UNC80: variants seen among roughly 807,000 people sequenced by gnomAD.
The protein encoded by UNC80 is protein unc-80 homolog.
In UNC80, 164 loss-of-function variants were observed where a neutral mutation model predicts 384.6. The observed-to-expected ratio is 0.43, with a 90% CI of 0.38 to 0.49. The LOEUF (loss-of-function observed/expected upper bound fraction) is 0.49, where lower values mean the gene tolerates loss of function less well. Among genes scored for constraint, UNC80 ranks in the 20% least tolerant of loss-of-function variants. The pLI is 0.00. For missense variants in UNC80, 3,330 were observed against 4,143.0 expected (o/e 0.80, Z 5.39); for synonymous variants, 1,486 against 1,527.8 (o/e 0.97, Z 0.64).
At chr2:209,854,971 A>G (rs2124849142) in intron 22 of UNC80, among the ~76,000 whole-genome samples, 1 of 152,372 alleles carries the variant, frequency 6.6e-6, no homozygotes, top group East Asian at 1.9e-4. Context: ...ACTATAAGTC[A>G]TTCTACTGTA....
At chr2:209,895,530 A>C (rs946570412) in intron 27 of UNC80, among the ~76,000 whole-genome samples, 2 of 152,200 alleles carry the variant, frequency 1.3e-5, no homozygotes, top group Non-Finnish European at 2.9e-5. Flanking sequence ...CTTTTTTTAC[A>C]AGTCTGAAGC....
chr2:209,959,809 T>C (rs2092534449), intron 51 of UNC80, 102 bp downstream of exon 51: 1 of 1,076,030 alleles, frequency 9.3e-7, no homozygotes, highest in Non-Finnish European at 1.3e-6. Context: ...GGAAAAACTC[T>C]TAATATAGAA....
chr2:209,866,521 C>T (rs2083812789), intron 22 of UNC80, among the ~76,000 whole-genome samples: 7 of 142,502 alleles, frequency 4.9e-5, no homozygotes, highest in Admixed American at 3.6e-4. Flanking sequence ...CACACACACA[C>T]ACACACACAC....
intron 7 of UNC80, among the ~76,000 whole-genome samples, chr2:209,798,925 C>G (rs1253805286): frequency 3.3e-5 from 5 of 149,256 alleles, no homozygotes; most frequent in Non-Finnish European, 5.9e-5. Context: ...ACCTTGTGAT[C>G]CGCCCACCTC....
At chr2:209,903,199 T>TG (rs1559297628) in intron 28 of UNC80, among the ~76,000 whole-genome samples, 1 of 149,414 alleles carries the variant, frequency 6.7e-6, no homozygotes, top group South Asian at 2.1e-4. Context: ...AACAAAATTT[T>TG]GGGGGGATAT....
intron 22 of UNC80, among the ~76,000 whole-genome samples, chr2:209,868,353 CAGTT>C (rs775940540): frequency 4.6e-5 from 7 of 152,106 alleles, no homozygotes; most frequent in African/African-American, 7.2e-5. Context: ...TCTTTAAAAA[CAGTT>C]AGTTTCTATC....
At position 209,941,328 on chromosome 2, in the gene UNC80, A is replaced by G. The variant is rs1386592415; in HGVS notation, c.6754A>G (p.Ile2252Val). 6.4e-7 allele frequency: 1 copy of G among 1,551,006 alleles called. No homozygotes were observed. The highest frequency in any genetic ancestry group is 2.0e-5 in the Admixed American group (1 of 50,978). ...MPSEFPWGDE[I>V]MLFLNVFNGA... ...GAGCGAGTTTCCATGGGGAGACGAA[A>G]TCATGCTTTTCCTCAACGTTTTTAA... Residue 2252 changes from isoleucine to valine, a missense_variant, in exon 44 of 65, where the codon ATC becomes GTC. Physicochemically the swap from Ile to Val is conservative, Grantham distance 29. Transcript: ENST00000673920.
At chr2:209,791,906 C>T (rs377083569) in intron 6 of UNC80, among the ~76,000 whole-genome samples, 1 of 148,240 alleles carries the variant, frequency 6.7e-6, no homozygotes, top group Non-Finnish European at 1.5e-5. Context: ...CCTGCACTGT[C>T]CAATATGATA....
chr2:209,796,311 C>T (rs2078152407), intron 7 of UNC80: 1 of 152,228 alleles, frequency 6.6e-6, no homozygotes, highest in African/African-American at 2.4e-5. Context: ...CCCATTGTAT[C>T]TAGGAAGTAA....
chr2:209,931,364 A>AACACACACACAC lies in UNC80; in HGVS notation c.5994+352_5994+363dup, dbSNP rs61386739. On this transcript the variant is annotated intron_variant, in intron 38 of 64. Transcript: ENST00000673920. ...TCCTCTTTTCCTATCTCTATGTTTA[A>AACACACACACAC]ACACACACACACACACACACACACA... Among the ~76,000 whole-genome samples the AACACACACACAC allele has an allele frequency of 4.1e-3, 510 of 125,550 alleles. 9 individuals are homozygous for AACACACACACAC. Among genetic ancestry groups the AACACACACACAC allele is most frequent in the Non-Finnish European group, 6.1e-3 (359 of 59,252 alleles). 82.4% of individuals were successfully genotyped at this position (125,550 alleles called of 152,430 possible).
At chr2:209,912,529 A>G in intron 29 of UNC80, 31 bp from the exon 30 acceptor site, 1 of 1,454,272 alleles carries the variant, frequency 6.9e-7, no homozygotes, top group Non-Finnish European at 9.3e-7. Context: ...AAAACACATC[A>G]CTCTTCATTA....
intron 16 of UNC80, among the ~76,000 whole-genome samples, chr2:209,833,276 C>CA (rs554565630): frequency 0.081 from 7,872 of 97,180 alleles, 643 homozygotes; most frequent in African/African-American, 0.23. Flanking sequence ...TTTCCTAAGG[C>CA]AAAAAAAAAA....
At chr2:209,994,830 T>TAAATATAGAACTAAATAGATAAA (rs2093456356) in intron 64 of UNC80, among the ~76,000 whole-genome samples, 1 of 152,212 alleles carries the variant, frequency 6.6e-6, no homozygotes, top group South Asian at 2.1e-4. Flanking sequence ...AGATAAAGCC[T>TAAATATAGAACTAAATAGATAAA]CTAAATATAG....
chr2:209,945,068 G>A lies in UNC80; in HGVS notation c.7068G>A (p.Gly2356=), dbSNP rs1320810103. 4 of 1,550,302 alleles carry A rather than the reference G, an allele frequency of 2.6e-6. No homozygotes were observed. Among genetic ancestry groups the A allele is most frequent in the African/African-American group, 1.4e-5 (1 of 72,828 alleles). The change falls in exon 46 of 65, where the codon GGG becomes GGA. Residue 2356 remains glycine (G), a synonymous_variant. Coordinates refer to ENST00000673920, the MANE Select transcript of UNC80 (RefSeq NM_001371986.1). The stretch of plus-strand genomic sequence containing the variant: ...TTTATCAGGATGCTGCCAATAATGG[G>A]CCCAGCAAAGGTGTGTCAGCTCAGT... The part of the protein sequence containing the change: ...LLEFPDAANN[G]PSKGVSAQCL...
intron 61 of UNC80, 36 bp from the exon 62 acceptor site, chr2:209,992,130 T>C: frequency 2.6e-6 from 4 of 1,532,088 alleles, no homozygotes; most frequent in African/African-American, 1.4e-5. Flanking sequence ...TCCTGTACTC[T>C]CTCCGGGGTA....
chr2:209,899,224 C>T (rs368944983), intron 28 of UNC80, among the ~76,000 whole-genome samples: 50 of 152,174 alleles, frequency 3.3e-4, no homozygotes, highest in African/African-American at 1.2e-3. Flanking sequence ...TATAGAGGTG[C>T]AGTGGTAGAT....
chr2:209,896,539 G>A lies in UNC80; in HGVS notation c.4581+126G>A, dbSNP rs577168828. Reference sequence around the variant, plus strand: ...ATCTAGCCTCCAAGAGAAAGCAGGGGCTTATGTTTTACCTGAATATCTCAA... The same window carrying A: ...ATCTAGCCTCCAAGAGAAAGCAGGGACTTATGTTTTACCTGAATATCTCAA... On this transcript the variant is annotated intron_variant, in intron 28 of 64. Coordinates refer to ENST00000673920, the MANE Select transcript of UNC80 (RefSeq NM_001371986.1). The A allele has an allele frequency of 1.4e-4, 113 of 802,562 alleles. No individual in the cohort carries two copies. In the African/African-American group the frequency reaches 1.8e-3, roughly 13 times the overall value. The allele number at this position is 802,562 out of a possible 1,614,324, so 49.7% of individuals were successfully genotyped here.
intron 4 of UNC80, among the ~76,000 whole-genome samples, chr2:209,782,731 T>A (rs993575677): frequency 5.3e-5 from 8 of 152,152 alleles, no homozygotes; most frequent in African/African-American, 1.4e-4. Context: ...TTATATTTTT[T>A]AATTTATAAT....
At chr2:209,814,487 C>A (rs2079594495) in intron 8 of UNC80, among the ~76,000 whole-genome samples, 1 of 152,158 alleles carries the variant, frequency 6.6e-6, no homozygotes, top group African/African-American at 2.4e-5. Flanking sequence ...ACCTCGTGAT[C>A]CACCTGCTTT....
Sources: gnomAD v4.1 joint callset for allele counts (sites outside exome capture counted in the v4.1 genomes callset) on GRCh38, gnomAD v4.1.1 for gene constraint, MANE v1.5 for transcripts, NCBI Gene and HGNC (gene_info 2026-07-23, HGNC 2026-07-21) for gene names.